Variants in IFFO2 observed in about 807,000 individuals in gnomAD.
IFFO2 encodes intermediate filament family orphan 2.
A neutral mutation model predicts 53.5 loss-of-function variants in IFFO2; 19 were observed. The observed-to-expected ratio is 0.36, with a 90% CI of 0.25 to 0.52. The LOEUF (loss-of-function observed/expected upper bound fraction) is 0.52. IFFO2 is among the 20% of genes least tolerant of loss of function. IFFO2 has a pLI of 0.94. For synonymous variants in IFFO2, 303 were observed against 313.6 expected (o/e 0.97, Z 0.36); for missense variants, 570 against 727.4 (o/e 0.78, Z 2.49).
rs1936171861 is a variant in IFFO2, at chr1:18,918,749, G to A, written c.823-247C>T. ...GTGTGTGCTGCTCTCCCTAAGGGCT[G>A]GAAGGCATCCTCCCAGCAGACACAG... On this transcript the variant is annotated intron_variant, in intron 3 of 8. Transcript: ENST00000455833. This position sits in a 1 kb window ranked among gnomAD's most constrained non-coding sequence, Gnocchi z 5.2. 6.6e-6 allele frequency among the ~76,000 whole-genome samples: 1 copy of A among 152,056 alleles called. No homozygotes were observed. Among genetic ancestry groups the A allele is most frequent in the Non-Finnish European group, 1.5e-5 (1 of 67,986 alleles).
chr1:18,920,029 C>G (rs1014283027), intron 2 of IFFO2, among the ~76,000 whole-genome samples: 1 of 152,244 alleles, frequency 6.6e-6, no homozygotes, highest in African/African-American at 2.4e-5. Context: ...GGTTAATTAA[C>G]AAGCAATCCT....
intron 8 of IFFO2, among the ~76,000 whole-genome samples, chr1:18,909,078 G>A (rs562811450): frequency 6.6e-6 from 1 of 151,812 alleles, no homozygotes; most frequent in African/African-American, 2.4e-5. Context: ...CTGGGGGTGG[G>A]GGAACTTGGG....
chr1:18,921,665 G>C (rs1490720478), intron 1 of IFFO2, among the ~76,000 whole-genome samples: 1 of 152,208 alleles, frequency 6.6e-6, no homozygotes, highest in Non-Finnish European at 1.5e-5. Flanking sequence ...GGCTCGGAGA[G>C]GTTAAATAAA....
intron 1 of IFFO2, among the ~76,000 whole-genome samples, chr1:18,952,471 G>A (rs1426680001): frequency 6.6e-6 from 1 of 152,150 alleles, no homozygotes; most frequent in African/African-American, 2.4e-5. Context: ...GAATACCTGG[G>A]TGGATTCATA....
At chr1:18,912,998 C>T (rs1399498156) in intron 5 of IFFO2, among the ~76,000 whole-genome samples, 1 of 152,238 alleles carries the variant, frequency 6.6e-6, no homozygotes, top group Non-Finnish European at 1.5e-5. Context: ...AAGGCTGAGT[C>T]TGTAGGAGTG....
At chr1:18,934,061 T>TTTA (rs1936414547) in intron 1 of IFFO2, among the ~76,000 whole-genome samples, 1 of 110,732 alleles carries the variant, frequency 9.0e-6, no homozygotes, top group Non-Finnish European at 1.8e-5. Flanking sequence ...TTATTTCTTT[T>TTTA]TTTTTTTTTT....
At chr1:18,927,771 G>A (rs1205480962) in intron 1 of IFFO2, among the ~76,000 whole-genome samples, 1 of 152,260 alleles carries the variant, frequency 6.6e-6, no homozygotes, top group African/African-American at 2.4e-5. Flanking sequence ...TTTTGCAGAA[G>A]CTGATGGATT....
chr1:18,927,458 C>T (rs1936320087), intron 1 of IFFO2, among the ~76,000 whole-genome samples: 1 of 152,250 alleles, frequency 6.6e-6, no homozygotes. Context: ...GGCACCTTCT[C>T]AGCTCCACCC....
chr1:18,953,979 T>C (rs924318255), intron 1 of IFFO2, among the ~76,000 whole-genome samples: 1 of 152,090 alleles, frequency 6.6e-6, no homozygotes, highest in African/African-American at 2.4e-5. Context: ...GGCCCATCCC[T>C]CCCCAGTTTC....
Position 18,911,427 on chromosome 1 carries a change from T to C in IFFO2, c.1274A>G (p.Lys425Arg). ...TTCCTGGTACTCCTTGTCTCTCGTC[T>C]TGAAGAAGGATTCGGTCTCATGGAT... ...NLIHETESFF[K>R]TRDKEYQETI... The change falls in exon 7 of 9, where the codon AAG becomes AGG. Residue 425 changes from lysine (K) to arginine (R), a missense_variant. By Grantham distance (26) the Lys-to-Arg change is conservative. Coordinates refer to ENST00000455833, the MANE Select transcript of IFFO2 (RefSeq NM_001136265.2). 6.6e-7 allele frequency: 1 copy of C among 1,525,378 alleles called. No homozygotes were observed. Among genetic ancestry groups the C allele is most frequent in the Non-Finnish European group, 8.8e-7 (1 of 1,135,476 alleles). 94.5% of individuals were successfully genotyped at this position (1,525,378 alleles called of 1,614,324 possible). A position where few individuals can be genotyped will look rare whatever the true frequency, so the allele number is the denominator to read the frequency against.
chr1:18,950,793 C>G (rs1221453723), intron 1 of IFFO2, among the ~76,000 whole-genome samples: 1 of 152,218 alleles, frequency 6.6e-6, no homozygotes, highest in African/African-American at 2.4e-5. Flanking sequence ...GACACTCCAG[C>G]TGACCCACCC....
chr1:18,922,351 A>T (rs1210108279), intron 1 of IFFO2, among the ~76,000 whole-genome samples: 1 of 151,566 alleles, frequency 6.6e-6, no homozygotes. Context: ...CCCCACTGCT[A>T]CCCTCCCTAC....
rs376243116 is a variant in IFFO2 at position 18,937,035 on chromosome 1, T to C, written c.666-15914A>G. ...CCAGGTCATTCATAAATGAGAAGTC[T>C]GAAGCTCAGAGGTGGGAGGTGATAT... is the stretch of plus-strand genomic sequence containing the variant. On this transcript the variant is annotated intron_variant, in intron 1 of 8. Transcript: ENST00000455833. Among the ~76,000 whole-genome samples, 35 of 151,676 alleles carry C rather than the reference T, an allele frequency of 2.3e-4. No homozygotes were observed. The East Asian group carries it at 5.2e-3, about 23-fold the overall frequency.
intron 1 of IFFO2, among the ~76,000 whole-genome samples, chr1:18,925,645 G>A (rs993141504): frequency 2.6e-5 from 4 of 152,256 alleles, no homozygotes; most frequent in Non-Finnish European, 2.9e-5. Context: ...CAGTCCTTCT[G>A]CAGGCCCAGA....
At position 18,956,323 on chromosome 1, in the gene IFFO2, A is replaced by G; in HGVS notation, c.10T>C (p.Ser4Pro). Reference protein sequence around the residue: MVNSLLFGEMALAF... With the variant: MVNPLLFGEMALAF... ...AAGGCCATCTCCCCGAACAGCAGCG[A>G]GTTCACCATGCGCCGGCTGCGCGGC... The change falls in exon 1 of 9, where the codon TCG (serine) becomes CCG (proline). Residue 4 changes from serine (S) to proline (P), a missense_variant. Physicochemically the swap from Ser to Pro is moderately conservative, Grantham distance 74. Transcript: ENST00000455833. The surrounding 1 kb of genome is among the most constrained non-coding windows in gnomAD (Gnocchi z 6.4). 2.7e-6 allele frequency: 1 copy of G among 370,888 alleles called. No homozygotes were observed. Among genetic ancestry groups the G allele is most frequent in the Non-Finnish European group, 4.1e-6 (1 of 246,452 alleles). The allele number at this position is 370,888 out of a possible 1,614,324, so 23.0% of individuals were successfully genotyped here.
intron 1 of IFFO2, among the ~76,000 whole-genome samples, chr1:18,933,373 C>A (rs568398390): frequency 6.6e-6 from 1 of 152,368 alleles, no homozygotes; most frequent in African/African-American, 2.4e-5. Context: ...GAAAGGAAAC[C>A]AAGCATCCAC....
intron 1 of IFFO2, among the ~76,000 whole-genome samples, chr1:18,939,336 CA>C (rs748158020): frequency 1.3e-5 from 2 of 152,216 alleles, no homozygotes; most frequent in Non-Finnish European, 2.9e-5. Context: ...GGCCACCGGC[CA>C]CCTTTATCAA....
intron 1 of IFFO2, among the ~76,000 whole-genome samples, chr1:18,953,953 G>T (rs909222007): frequency 6.6e-6 from 1 of 152,192 alleles, no homozygotes; most frequent in African/African-American, 2.4e-5. Context: ...ATCAACAGTG[G>T]CAGACAGGAG....
At chr1:18,945,269 G>A (rs548152644) in intron 1 of IFFO2, among the ~76,000 whole-genome samples, 21 of 152,134 alleles carry the variant, frequency 1.4e-4, no homozygotes, top group East Asian at 3.9e-4. Context: ...CTCTCTGGTC[G>A]TGACTTTGCA....
Sources: allele counts gnomAD v4.1 joint callset (sites outside exome capture counted in the v4.1 genomes callset), GRCh38; gene constraint gnomAD v4.1.1; non-coding constraint Gnocchi (gnomAD v3.1); transcripts MANE v1.5; gene names NCBI Gene and HGNC (gene_info 2026-07-23, HGNC 2026-07-21).